The following PCDHGA2 variants were observed in gnomAD, a reference collection of about 807,000 sequenced individuals.
PCDHGA2 encodes the protein protocadherin gamma subfamily A, 2, also known as protocadherin gamma-A2.
PCDHGA2 carries 40 observed loss-of-function variants against 59.2 expected under a neutral mutation model. The ratio of observed to expected loss-of-function variants is 0.68; its 90% CI spans 0.52 to 0.88. The LOEUF (loss-of-function observed/expected upper bound fraction) is 0.88, where lower values mean the gene tolerates loss of function less well. Ranked by LOEUF, PCDHGA2 falls within the 40% of genes least tolerant of loss-of-function variation. PCDHGA2 has a pLI of 0.00. For missense variants in PCDHGA2, 1,226 were observed against 1,204.0 expected (o/e 1.02, Z -0.27); for synonymous variants, 560 against 526.0 (o/e 1.06, Z -0.89).
intron 1 of PCDHGA2, among the ~76,000 whole-genome samples, chr5:141,354,350 A>G (rs1056084441): frequency 2.0e-5 from 3 of 152,246 alleles, no homozygotes; most frequent in African/African-American, 7.2e-5. Context: ...AAGATTGAGA[A>G]CACATTGTGA....
At chr5:141,446,837 T>G (rs2098518039) in intron 1 of PCDHGA2, among the ~76,000 whole-genome samples, 1 of 152,168 alleles carries the variant, frequency 6.6e-6, no homozygotes, top group South Asian at 2.1e-4. Flanking sequence ...CTTATAAGGC[T>G]GAGCATAATA....
chr5:141,435,290 A>G (rs2097756551), intron 1 of PCDHGA2, among the ~76,000 whole-genome samples: 1 of 152,158 alleles, frequency 6.6e-6, no homozygotes, highest in African/African-American at 2.4e-5. Context: ...ATCCCAAGTC[A>G]TTTCATGGTT....
At chr5:141,387,848 C>T (rs746271589) in intron 1 of PCDHGA2, 1 of 1,597,460 alleles carries the variant, frequency 6.3e-7, no homozygotes, top group South Asian at 1.1e-5. Flanking sequence ...AACCCGGCGT[C>T]TCCAGGCTGG....
intron 1 of PCDHGA2, among the ~76,000 whole-genome samples, chr5:141,450,826 A>ATT (rs764729742): frequency 0.025 from 3,390 of 134,266 alleles, 60 homozygotes; most frequent in Middle Eastern, 0.057. Flanking sequence ...TATTATTATT[A>ATT]TTATTTTTTT....
intron 1 of PCDHGA2, among the ~76,000 whole-genome samples, chr5:141,460,983 GTATATATATATA>G (rs59296681): frequency 7.3e-6 from 1 of 137,780 alleles, no homozygotes. Flanking sequence ...GTGTGTGTGT[GTATATATATATA>G]TGTGTATATA....
chr5:141,457,413 A>C (rs939244132), intron 1 of PCDHGA2, among the ~76,000 whole-genome samples: 6 of 152,142 alleles, frequency 3.9e-5, no homozygotes, highest in Non-Finnish European at 5.9e-5. Flanking sequence ...CACATTACCC[A>C]TCCCTTTTTC....
chr5:141,353,381 T>C (rs1759264940), intron 1 of PCDHGA2, among the ~76,000 whole-genome samples: 1 of 152,234 alleles, frequency 6.6e-6, no homozygotes, highest in Non-Finnish European at 1.5e-5. Context: ...TATGTATTAA[T>C]GTAATTATGT....
intron 1 of PCDHGA2, among the ~76,000 whole-genome samples, chr5:141,359,245 T>A (rs910356279): frequency 1.3e-5 from 2 of 152,062 alleles, no homozygotes; most frequent in Non-Finnish European, 2.9e-5. Flanking sequence ...TTAAAGTAAT[T>A]AAGCCATAAA....
chr5:141,399,896 T>G (rs1271195619), intron 1 of PCDHGA2: 2 of 1,612,518 alleles, frequency 1.2e-6, no homozygotes, highest in Non-Finnish European at 8.5e-7. Flanking sequence ...GTAGTGGCCG[T>G]GGACGCAGAC....
intron 1 of PCDHGA2, chr5:141,419,774 C>T (rs2096431329): frequency 6.2e-7 from 1 of 1,613,902 alleles, no homozygotes; most frequent in Admixed American, 1.7e-5. Flanking sequence ...GGACTCGGTC[C>T]GCCAGCGCCT....
At chr5:141,394,224 A>G (rs375614946) in intron 1 of PCDHGA2, 380 of 1,613,788 alleles carry the variant, frequency 2.4e-4, no homozygotes, top group Middle Eastern at 1.3e-3. Context: ...AGGAGCCTCC[A>G]TCTTTTCCTT....
At chr5:141,508,383 T>C (rs1169318572) in intron 3 of PCDHGA2, 1 of 152,236 alleles carries the variant, frequency 6.6e-6, no homozygotes, top group Non-Finnish European at 1.5e-5. Flanking sequence ...CTCAGATTTA[T>C]AGATGGGAAA....
chr5:141,351,096 T>C, intron 1 of PCDHGA2: 1 of 1,614,058 alleles, frequency 6.2e-7, no homozygotes, highest in Non-Finnish European at 8.5e-7. Flanking sequence ...TATGCCTTCC[T>C]CAATTCCCCA....
chr5:141,476,184 T>C lies in PCDHGA2; in HGVS notation c.2425-18623T>C, dbSNP rs1038598087. ...AGGGTAGTGGGAGTTTTGCTTCTGC[T>C]TGGTGCCTTGAACAAGGCTTCCACG... On this transcript the variant is annotated intron_variant, in intron 1 of 3. Coordinates refer to ENST00000394576, the MANE Select transcript of PCDHGA2 (RefSeq NM_018915.4). The surrounding 1 kb of genome is among the most constrained non-coding windows in gnomAD (Gnocchi z 7.6). 1 of 1,613,708 alleles carries C rather than the reference T, an allele frequency of 6.2e-7. No homozygotes were observed. Among genetic ancestry groups the C allele is most frequent in the Non-Finnish European group, 8.5e-7 (1 of 1,179,992 alleles).
At chr5:141,426,764 T>C (rs1285434687) in intron 1 of PCDHGA2, 5 of 456,638 alleles carry the variant, frequency 1.1e-5, no homozygotes, top group Non-Finnish European at 2.2e-5. Flanking sequence ...TAGATGCAGA[T>C]GTAGGGCCTC....
At chr5:141,357,477 C>T (rs1209475845) in intron 1 of PCDHGA2, 14 of 1,614,102 alleles carry the variant, frequency 8.7e-6, no homozygotes, top group South Asian at 3.3e-5. Context: ...AGGTCTCCCT[C>T]ACCGCGGACT....
At chr5:141,424,577 A>T (rs958508704) in intron 1 of PCDHGA2, 1 of 152,206 alleles carries the variant, frequency 6.6e-6, no homozygotes, top group Non-Finnish European at 1.5e-5. Context: ...ACCTATTTTC[A>T]AATGTGCTAA....
rs2099735810 is a variant in PCDHGA2 at position 141,491,979 on chromosome 5, G to A, written c.2425-2828G>A. On this transcript the variant is annotated intron_variant, in intron 1 of 3. Transcript: ENST00000394576. This position sits in a 1 kb window ranked among gnomAD's most constrained non-coding sequence, Gnocchi z 6.9. ...CAAAAAAGGCCGGGGCCTCCTTCGA[G>A]CTTCCGGTGAATTTCGGGCGATTTC... 6.4e-6 allele frequency: 5 copies of A among 787,296 alleles called. No homozygotes were observed. Among genetic ancestry groups the A allele is most frequent in the Non-Finnish European group, 9.4e-6 (5 of 533,208 alleles). 48.8% of individuals were successfully genotyped at this position (787,296 alleles called of 1,614,324 possible).
intron 1 of PCDHGA2, chr5:141,376,012 G>A: frequency 6.2e-7 from 1 of 1,613,402 alleles, no homozygotes; most frequent in Non-Finnish European, 8.5e-7. Flanking sequence ...AGAGCCTAGT[G>A]GTGGCCGTCC....
Sources: allele counts gnomAD v4.1 joint callset (sites outside exome capture counted in the v4.1 genomes callset), GRCh38; gene constraint gnomAD v4.1.1; non-coding constraint Gnocchi (gnomAD v3.1); transcripts MANE v1.5; gene names NCBI Gene and HGNC (gene_info 2026-07-23, HGNC 2026-07-21).